TXLNA: variants seen among roughly 807,000 people sequenced by gnomAD.
TXLNA encodes the protein alpha-taxilin.
In TXLNA, 9 loss-of-function variants were observed where a neutral mutation model predicts 61.4. That is an observed-to-expected ratio of 0.15 (90% confidence interval 0.09 to 0.26). The LOEUF (loss-of-function observed/expected upper bound fraction) is 0.26, where lower values mean the gene tolerates loss of function less well. TXLNA is among the 10% of genes least tolerant of loss of function. The probability of loss-of-function intolerance (pLI) is 1.00; values close to 1 mark genes in which losing one functional copy is unlikely to be tolerated. For missense variants in TXLNA, 565 were observed against 688.8 expected (o/e 0.82, Z 2.01); for synonymous variants, 257 against 267.7 (o/e 0.96, Z 0.39).
At chr1:32,184,457 G>A in intron 3 of TXLNA, 68 bp from the exon 4 acceptor site, 1 of 1,028,398 alleles carries the variant, frequency 9.7e-7, no homozygotes, top group Non-Finnish European at 1.5e-6. Flanking sequence ...GCACTCATGA[G>A]TGTGAGCCCA....
rs1403895729 is a variant in TXLNA at position 32,181,465 on chromosome 1, A to C, written c.393A>C (p.Gly131=). Residue 131 remains glycine (G), a synonymous_variant, in exon 3 of 11, where the codon GGA becomes GGC. Coordinates refer to ENST00000373610, the MANE Select transcript of TXLNA (RefSeq NM_175852.4). ...GEPEPTPVVN[G]EKEPSKGDPN... Reference sequence around the variant, plus strand: ...CTGAACCAACTCCAGTAGTCAATGGAGAGAAGGAACCCTCCAAGGGGGATC... The same window carrying C: ...CTGAACCAACTCCAGTAGTCAATGGCGAGAAGGAACCCTCCAAGGGGGATC... 2 of 1,613,820 alleles carry C rather than the reference A, an allele frequency of 1.2e-6. No homozygotes were observed. The highest frequency in any genetic ancestry group is 1.7e-6 in the Non-Finnish European group (2 of 1,179,876).
rs1642990919 is a variant in TXLNA, at chr1:32,195,155, G to A, written c.1601G>A (p.Gly534Asp). Reference protein sequence around the residue: ...YPGAPSTEASGQTGPQEPTSA... With the variant: ...YPGAPSTEASDQTGPQEPTSA... ...GGAGCACCGAGCACAGAAGCATCAGGCCAGACTGGGCCTCAAGAGCCCACC... is the reference window on the plus strand; with the variant it reads ...GGAGCACCGAGCACAGAAGCATCAGACCAGACTGGGCCTCAAGAGCCCACC... The change falls in exon 11 of 11, where the codon GGC becomes GAC. Residue 534 changes from glycine (G) to aspartate (D), a missense_variant. Around this residue, in one of 2 missense-constraint regions of TXLNA, gnomAD observed 373 missense variants for 504.0 expected, o/e 0.74. Coordinates refer to ENST00000373610, the MANE Select transcript of TXLNA (RefSeq NM_175852.4). 1.2e-6 allele frequency: 2 copies of A among 1,609,866 alleles called. No individual in the cohort carries two copies. The highest frequency in any genetic ancestry group is 4.5e-5 in the East Asian group (2 of 44,852).
intron 10 of TXLNA, among the ~76,000 whole-genome samples, chr1:32,194,438 C>T (rs1395394301): frequency 6.6e-6 from 1 of 152,176 alleles, no homozygotes; most frequent in African/African-American, 2.4e-5. Context: ...ACATGTAAAG[C>T]AGCCCAGGTA....
At chr1:32,190,015 A>G in intron 5 of TXLNA, 40 bp from the exon 6 acceptor site, 1 of 1,524,346 alleles carries the variant, frequency 6.6e-7, no homozygotes, top group South Asian at 1.2e-5. Context: ...CTTGTGAGGT[A>G]GCAGTGGATG....
intron 9 of TXLNA, 143 bp downstream of exon 9, chr1:32,193,443 G>T: frequency 1.5e-6 from 1 of 670,070 alleles, no homozygotes. Context: ...CCCCTCTTGA[G>T]GCAGTATCAG....
Position 32,181,431 on chromosome 1 carries a change from A to G in TXLNA, c.359A>G (p.Asn120Ser). The change falls in exon 3 of 11, where the codon AAT becomes AGT. Residue 120 changes from asparagine (N) to serine (S), a missense_variant. Coordinates refer to ENST00000373610, the MANE Select transcript of TXLNA (RefSeq NM_175852.4). ...AEKSRTYVAR[N>S]GEPEPTPVVN... ...AAGTCCCGGACCTATGTGGCAAGGA[A>G]TGGGGAGCCTGAACCAACTCCAGTA... 4.3e-6 allele frequency: 7 copies of G among 1,614,234 alleles called. No individual in the cohort carries two copies. Among genetic ancestry groups the G allele is most frequent in the African/African-American group, 1.3e-5 (1 of 75,070 alleles).
intron 6 of TXLNA, 66 bp downstream of exon 6, chr1:32,190,315 TGG>T: frequency 6.9e-7 from 1 of 1,457,574 alleles, no homozygotes; most frequent in Middle Eastern, 1.8e-4. Context: ...TGCTAGGCAC[TGG>T]GACAGTACCT....
chr1:32,193,151 AC>A (rs1642942847), intron 8 of TXLNA, 56 bp from the exon 9 acceptor site: 1 of 1,161,646 alleles, frequency 8.6e-7, no homozygotes, highest in Non-Finnish European at 1.3e-6. Flanking sequence ...GAGTGTGTTG[AC>A]CAGAGTGCCT....
chr1:32,194,791 A>G, intron 10 of TXLNA, 111 bp from the exon 11 acceptor site: 13 of 1,319,160 alleles, frequency 9.9e-6, no homozygotes, highest in Non-Finnish European at 1.4e-5. Flanking sequence ...AGAGGGGGCC[A>G]GCTTTGGACT....
Position 32,190,256 on chromosome 1 carries a change from G to A in TXLNA, c.963+7G>A, listed in dbSNP as rs767450913. 1.4e-4 allele frequency: 219 copies of A among 1,585,062 alleles called. 2 individuals carry two copies. In the South Asian group the frequency reaches 2.4e-3, roughly 18 times the overall value. On this transcript the variant is annotated splice_region_variant and intron_variant, in intron 6 of 10. Transcript: ENST00000373610. ...GTATGAGCTGCGCGAGGAGGTAAGG[G>A]TATCACGGACAGCAGTCATGGCCCA...
chr1:32,190,447 C>T (rs1233770411), intron 6 of TXLNA, among the ~76,000 whole-genome samples, 198 bp downstream of exon 6: 1 of 152,092 alleles, frequency 6.6e-6, no homozygotes, highest in Admixed American at 6.5e-5. Context: ...GCCACACAGC[C>T]CCAGGTCCAC....
chr1:32,181,479 C>G lies in TXLNA; in HGVS notation c.407C>G (p.Ser136Cys), dbSNP rs769939030. The change falls in exon 3 of 11, where the codon TCC becomes TGC. Residue 136 changes from serine (S) to cysteine (C), a missense_variant. Ser to Cys is a moderately radical substitution (Grantham distance 112). Around this residue, in one of 2 missense-constraint regions of TXLNA, gnomAD observed 192 missense variants for 184.8 expected, o/e 1.04. Transcript: ENST00000373610. ...GTAGTCAATGGAGAGAAGGAACCCT[C>G]CAAGGGGGATCCAAACACAGAAGAG... ...TPVVNGEKEP[S>C]KGDPNTEEIR... 1 of 1,612,374 alleles carries G rather than the reference C, an allele frequency of 6.2e-7. No homozygotes were observed.
intron 10 of TXLNA, among the ~76,000 whole-genome samples, chr1:32,194,494 T>A (rs1212340346): frequency 6.6e-6 from 1 of 152,230 alleles, no homozygotes; most frequent in Non-Finnish European, 1.5e-5. Flanking sequence ...GAACTAACGA[T>A]GGAGCAGCAA....
chr1:32,190,951 A>C (rs1367428202), intron 6 of TXLNA, among the ~76,000 whole-genome samples: 1 of 152,086 alleles, frequency 6.6e-6, no homozygotes, highest in Non-Finnish European at 1.5e-5. Flanking sequence ...AAAATTAGCC[A>C]GGTGTGGTGG....
At chr1:32,185,692 G>A (rs542935370) in intron 4 of TXLNA, among the ~76,000 whole-genome samples, 44 of 146,848 alleles carry the variant, frequency 3.0e-4, no homozygotes, top group South Asian at 1.5e-3. Context: ...GAGCCACCAC[G>A]CCTGGCCTAT....
Position 32,181,258 on chromosome 1 carries a change from G to A in TXLNA, c.186G>A (p.Thr62=), listed in dbSNP as rs780474174. Residue 62 remains threonine, a synonymous_variant, in exon 3 of 11, where the codon ACG becomes ACA. Transcript: ENST00000373610. ...PRKPEGAQAR[T]AQSGALRDVS... is the part of the protein sequence containing the mutation. Reference sequence around the variant, plus strand: ...CTGCTGTAGGGGCTCAAGCCAGAACGGCTCAGTCTGGGGCCCTTCGTGATG... The same window carrying A: ...CTGCTGTAGGGGCTCAAGCCAGAACAGCTCAGTCTGGGGCCCTTCGTGATG... 8 of 1,593,844 alleles carry A rather than the reference G, an allele frequency of 5.0e-6. No homozygotes were observed. Among genetic ancestry groups the A allele is most frequent in the South Asian group, 2.2e-5 (2 of 89,346 alleles).
chr1:32,195,037 T>C lies in TXLNA; in HGVS notation c.1483T>C (p.Ser495Pro), dbSNP rs770544654. The change falls in exon 11 of 11, where the codon TCC becomes CCC. Residue 495 changes from serine (S) to proline (P), a missense_variant. By Grantham distance (74) the Ser-to-Pro change is moderately conservative. Transcript: ENST00000373610. ...GGACCTGAGTGCTGGTGGCCAGGGC[T>C]CCCTCACTGACAGTGGCCCTGAGAG... ...VQDLSAGGQG[S>P]LTDSGPERRP... 6.2e-7 allele frequency: 1 copy of C among 1,614,090 alleles called. No homozygotes were observed. Among genetic ancestry groups the C allele is most frequent in the East Asian group, 2.2e-5 (1 of 44,872 alleles).
At chr1:32,190,621 C>T (rs752098776) in intron 6 of TXLNA, among the ~76,000 whole-genome samples, 12 of 152,174 alleles carry the variant, frequency 7.9e-5, no homozygotes, top group Non-Finnish European at 1.5e-4. Context: ...CTTCCAAATA[C>T]TCACCTACAT....
At chr1:32,180,091 G>A (rs909664285) in intron 1 of TXLNA, 1 of 402,334 alleles carries the variant, frequency 2.5e-6, no homozygotes, top group Non-Finnish European at 4.4e-6. Context: ...CCAGGGAGAA[G>A]AGGCCTCTTC....
Sources: allele counts gnomAD v4.1 joint callset (sites outside exome capture counted in the v4.1 genomes callset), GRCh38; gene constraint gnomAD v4.1.1; regional missense constraint gnomAD v4.1.1; transcripts MANE v1.5; gene names NCBI Gene and HGNC (gene_info 2026-07-23, HGNC 2026-07-21).